The following GNS variants were observed in gnomAD, a reference collection of about 807,000 sequenced individuals.
The protein encoded by GNS is N-acetylglucosamine-6-sulfatase.
A neutral mutation model predicts 69.7 loss-of-function variants in GNS; 40 were observed. That is an observed-to-expected ratio of 0.57 (90% confidence interval 0.45 to 0.75). The LOEUF (loss-of-function observed/expected upper bound fraction) is 0.75. GNS is among the 30% of genes least tolerant of loss of function. The probability of loss-of-function intolerance (pLI) is 0.00; values close to 1 mark genes in which losing one functional copy is unlikely to be tolerated. For missense variants in GNS, 565 were observed against 685.5 expected, an observed-to-expected ratio of 0.82 and a Z score of 1.96; for synonymous variants, 243 against 251.6, an observed-to-expected ratio of 0.97 and a Z score of 0.32.
intron 2 of GNS, among the ~76,000 whole-genome samples, chr12:64,752,484 G>A (rs1016035723): frequency 1.6e-4 from 25 of 152,060 alleles, no homozygotes; most frequent in Admixed American, 2.0e-4. Context: ...AAATTCTCTA[G>A]TTCTGAGACT....
At chr12:64,751,951 CA>C (rs570528616) in intron 2 of GNS, among the ~76,000 whole-genome samples, 3,022 of 64,782 alleles carry the variant, frequency 0.047, 22 homozygotes, top group Non-Finnish European at 0.063. Flanking sequence ...TTGCGCCACT[CA>C]AAAAAAAAAA....
At chr12:64,719,402 C>T (rs1233906006) in intron 13 of GNS, among the ~76,000 whole-genome samples, 1 of 152,150 alleles carries the variant, frequency 6.6e-6, no homozygotes, top group African/African-American at 2.4e-5. Context: ...ACCAGCAGCT[C>T]AAATGCATGG....
At chr12:64,717,745 TAGGGCCACAG>T (rs1183825850) in intron 13 of GNS, among the ~76,000 whole-genome samples, 3 of 152,104 alleles carry the variant, frequency 2.0e-5, no homozygotes, top group Non-Finnish European at 4.4e-5. Context: ...CTGCAAAAGT[TAGGGCCACAG>T]TGCATGACAA....
chr12:64,743,070 G>T, intron 6 of GNS, 71 bp downstream of exon 6: 1 of 1,188,424 alleles, frequency 8.4e-7, no homozygotes, highest in Non-Finnish European at 1.3e-6. Context: ...TGGCTCAAAG[G>T]CTTCCTGACA....
At chr12:64,739,992 TAA>T (rs1869681394) in intron 7 of GNS, among the ~76,000 whole-genome samples, 1 of 152,220 alleles carries the variant, frequency 6.6e-6, no homozygotes, top group South Asian at 2.1e-4. Flanking sequence ...TCTGTTTTTA[TAA>T]AGTTTTATTG....
In GNS at chr12:64,716,009, G is replaced by A. The variant is rs1045472748; in HGVS notation, c.*732C>T. ...GTGTTAACTGGCACTCCCTGTGGTT[G>A]GCAGCCACTGGAAAGTAGATGGCTA... On this transcript the variant is annotated 3_prime_UTR_variant, in exon 14 of 14. Coordinates refer to ENST00000258145, the MANE Select transcript of GNS (RefSeq NM_002076.4). 2.6e-5 allele frequency: 4 copies of A among 153,466 alleles called. No homozygotes were observed. The highest frequency in any genetic ancestry group is 7.2e-5 in the African/African-American group (3 of 41,446). 9.5% of individuals were successfully genotyped at this position (153,466 alleles called of 1,614,324 possible). A position where few individuals can be genotyped will look rare whatever the true frequency, so the allele number is the denominator to read the frequency against.
chr12:64,758,309 C>CTTTTTTTTTTT (rs139394351), intron 1 of GNS, among the ~76,000 whole-genome samples: 2 of 67,410 alleles, frequency 3.0e-5, no homozygotes, highest in Non-Finnish European at 5.5e-5. Flanking sequence ...CACTTCAGGC[C>CTTTTTTTTTTT]TTTTTTTTTT....
chr12:64,746,030 A>G (rs992432232), intron 3 of GNS: 3 of 436,774 alleles, frequency 6.9e-6, no homozygotes, highest in Non-Finnish European at 1.3e-5. Flanking sequence ...AAATGTGACA[A>G]TTACATAAAA....
In GNS at chr12:64,737,044, A is replaced by G; in HGVS notation, c.1058T>C (p.Leu353Ser). 6.2e-7 allele frequency: 1 copy of G among 1,604,912 alleles called. No individual in the cohort carries two copies. The highest frequency in any genetic ancestry group is 1.1e-5 in the South Asian group (1 of 90,876). ...TGGTTTGATCCCAGGTCCTCGAACC[A>G]ACAGTGGAACTTTGATATCAAACTC... ...LYEFDIKVPL[L>S]VRGPGIKPNQ... The change falls in exon 9 of 14, where the codon TTG becomes TCG. Residue 353 changes from leucine to serine, a missense_variant. Leu to Ser is a moderately radical substitution (Grantham distance 145, BLOSUM62 -2). Transcript: ENST00000258145.
intron 1 of GNS, among the ~76,000 whole-genome samples, chr12:64,756,926 CCAGGAGTTCAAGAGTT>C (rs1391959288): frequency 1.3e-5 from 2 of 152,000 alleles, no homozygotes; most frequent in Admixed American, 6.6e-5. Context: ...AGGCTGAGGT[CCAGGAGTTCAAGAGTT>C]CAGGAGTTCA....
At chr12:64,750,550 T>C (rs1870045120) in intron 2 of GNS, among the ~76,000 whole-genome samples, 2 of 152,198 alleles carry the variant, frequency 1.3e-5, no homozygotes, top group Non-Finnish European at 2.9e-5. Flanking sequence ...ACTTTTGGAA[T>C]CACTTGAGTC....
chr12:64,744,263 T>C (rs1486821880), intron 5 of GNS, among the ~76,000 whole-genome samples: 1 of 152,248 alleles, frequency 6.6e-6, no homozygotes, highest in Non-Finnish European at 1.5e-5. Context: ...GGGACTTTGC[T>C]TCATTTACTG....
At position 64,743,254 on chromosome 12, in the gene GNS, T is replaced by G. The variant is rs901034074; in HGVS notation, c.679A>C (p.Met227Leu). 92 of 1,613,078 alleles carry G rather than the reference T, an allele frequency of 5.7e-5. No individual in the cohort carries two copies. The Admixed American group carries it at 1.5e-3, about 27-fold the overall frequency. The change falls in exon 6 of 14, where the codon ATG becomes CTG. Residue 227 changes from methionine to leucine, a missense_variant. By Grantham distance (15) the Met-to-Leu change is conservative. Coordinates refer to ENST00000258145, the MANE Select transcript of GNS (RefSeq NM_002076.4). ...DYKSNFEPFF[M>L]MIATPAPHSP... Reference sequence around the variant, plus strand: ...TGAGGCGCTGGAGTGGCGATCATCATGAAGAAGGGCTCAAAGTTGGACTTG... The same window carrying G: ...TGAGGCGCTGGAGTGGCGATCATCAGGAAGAAGGGCTCAAAGTTGGACTTG...
intron 2 of GNS, among the ~76,000 whole-genome samples, chr12:64,749,464 G>C (rs1272674506): frequency 1.3e-5 from 2 of 151,662 alleles, no homozygotes; most frequent in African/African-American, 4.8e-5. Flanking sequence ...GTGTTAGCCA[G>C]GATGGTCTCG....
intron 8 of GNS, among the ~76,000 whole-genome samples, chr12:64,738,606 A>T (rs1869624752): frequency 6.6e-6 from 1 of 152,086 alleles, no homozygotes; most frequent in Admixed American, 6.6e-5. Flanking sequence ...TGAGGTCAGG[A>T]GTTCAAGACC....
At chr12:64,747,186 C>G (rs74099656) in intron 3 of GNS, among the ~76,000 whole-genome samples, 6 of 152,136 alleles carry the variant, frequency 3.9e-5, no homozygotes, top group Non-Finnish European at 5.9e-5. Context: ...ATGACCTGCA[C>G]GACCCTGACT....
At chr12:64,740,953 T>C (rs1238103084) in intron 6 of GNS, among the ~76,000 whole-genome samples, 2 of 152,180 alleles carry the variant, frequency 1.3e-5, no homozygotes, top group Non-Finnish European at 2.9e-5. Context: ...CTGTTGGCAG[T>C]ATTAAGAGAT....
At position 64,759,017 on chromosome 12, in the gene GNS, G is replaced by C. The variant is rs925490768; in HGVS notation, c.192+68C>G. On this transcript the variant is annotated intron_variant, in intron 1 of 13. Transcript: ENST00000258145. ...CGGGGAGGAGGGTGGTGGGGACCGG[G>C]AAAGAGAGCAACAAACCGGGTAGTC... 3.0e-6 allele frequency: 4 copies of C among 1,322,960 alleles called. No homozygotes were observed. In the Admixed American group the frequency reaches 7.9e-5, roughly 26 times the overall value. 82.0% of individuals were successfully genotyped at this position (1,322,960 alleles called of 1,614,324 possible). A position where few individuals can be genotyped will look rare whatever the true frequency, so the allele number is the denominator to read the frequency against.
intron 10 of GNS, among the ~76,000 whole-genome samples, chr12:64,725,715 T>C (rs1056461803): frequency 6.6e-6 from 1 of 152,044 alleles, no homozygotes; most frequent in African/African-American, 2.4e-5. Flanking sequence ...ATAAACTTAA[T>C]GCCGGGTGCA....
Sources: gnomAD v4.1 joint callset for allele counts (sites outside exome capture counted in the v4.1 genomes callset) on GRCh38, gnomAD v4.1.1 for gene constraint, MANE v1.5 for transcripts, NCBI Gene and HGNC (gene_info 2026-07-23, HGNC 2026-07-21) for gene names.